Variants in PHKA1 observed in about 807,000 individuals in gnomAD.
PHKA1 encodes the protein phosphorylase kinase regulatory subunit alpha 1, also known as phosphorylase b kinase regulatory subunit alpha, skeletal muscle isoform.
A neutral mutation model predicts 110.2 loss-of-function variants in PHKA1; 60 were observed. The observed-to-expected ratio is 0.54, with a 90% CI of 0.44 to 0.68. The LOEUF is 0.68. Among genes scored for constraint, PHKA1 ranks in the 30% least tolerant of loss-of-function variants. The pLI is 0.00. For missense variants in PHKA1, 801 were observed against 942.5 expected (o/e 0.85, Z 1.97); for synonymous variants, 316 against 333.6 (o/e 0.95, Z 0.58).
chrX:72,697,875 T>C (rs967235720), intron 3 of PHKA1, among the ~76,000 whole-genome samples: 12 of 108,821 alleles, frequency 1.1e-4, no homozygotes, highest in Non-Finnish European at 2.3e-4. Context: ...TCCCAGCTAC[T>C]CGGGAGGCTG....
At chrX:72,605,234 A>G (rs948870875) in intron 25 of PHKA1, 37 bp downstream of exon 25, 3 of 1,139,896 alleles carry the variant, frequency 2.6e-6, no homozygotes, top group Non-Finnish European at 3.6e-6. Context: ...TTACATCAAA[A>G]GTGAATTCCA....
chrX:72,691,671 G>A (rs1376365053), intron 4 of PHKA1, among the ~76,000 whole-genome samples: 8 of 110,730 alleles, frequency 7.2e-5, no homozygotes, highest in African/African-American at 2.3e-4. Context: ...TTTCATTTTG[G>A]TTATTCACTG....
chrX:72,692,527 C>T (rs1556322758), intron 4 of PHKA1, among the ~76,000 whole-genome samples: 1 of 112,002 alleles, frequency 8.9e-6, no homozygotes, highest in Non-Finnish European at 1.9e-5. Flanking sequence ...AGTAAGTCTA[C>T]TCAGATTTCC....
intron 12 of PHKA1, among the ~76,000 whole-genome samples, chrX:72,651,025 A>C (rs1173083456): frequency 2.7e-5 from 3 of 112,409 alleles, no homozygotes; most frequent in Non-Finnish European, 5.6e-5. Flanking sequence ...GGTATAAATT[A>C]TAAATAAACA....
chrX:72,590,005 T>A (rs1247563952), intron 29 of PHKA1, among the ~76,000 whole-genome samples: 1 of 111,448 alleles, frequency 9.0e-6, no homozygotes, highest in African/African-American at 3.3e-5. Flanking sequence ...CTGCTCAAGA[T>A]AATTTATAGA....
rs141638954 is a variant in PHKA1 at position 72,619,127 on chromosome X, A to G, written c.2229+87T>C. The G allele has an allele frequency of 9.9e-4, 612 of 616,216 alleles. 2 individuals are homozygous for G. In the African/African-American group the frequency reaches 0.012, roughly 12 times the overall value. 50.8% of individuals were successfully genotyped at this position (616,216 alleles called of 1,213,427 possible). ...ATTTTGCGTACCACTAGTTAGTAAC[A>G]AGAACCATAATGACTAGTCCTATTA... On this transcript the variant is annotated intron_variant, in intron 20 of 31. Coordinates refer to ENST00000373542, the MANE Select transcript of PHKA1 (RefSeq NM_002637.4).
At chrX:72,711,051 C>T (rs917064975) in intron 2 of PHKA1, among the ~76,000 whole-genome samples, 1 of 106,327 alleles carries the variant, frequency 9.4e-6, no homozygotes. Flanking sequence ...TTAGTAGAGA[C>T]GGGGTTTCAC....
Position 72,682,525 on chromosome X carries a change from C to G in PHKA1, c.537+1973G>C, listed in dbSNP as rs1190727441. Among the ~76,000 whole-genome samples the G allele has an allele frequency of 4.6e-5, 5 of 108,262 alleles. No individual in the cohort carries two copies. The South Asian group carries it at 1.2e-3, about 27-fold the overall frequency. 94.0% of individuals were successfully genotyped at this position (108,262 alleles called of 115,157 possible). A position where few individuals can be genotyped will look rare whatever the true frequency, so the allele number is the denominator to read the frequency against. ...AAAGATTGAGAAATCGGATGGTTGC[C>G]GTGTCTGTGTGGAGAGAAGTAGACA... On this transcript the variant is annotated intron_variant, in intron 5 of 31. Transcript: ENST00000373542.
chrX:72,585,311 A>G (rs1177703730), intron 29 of PHKA1, among the ~76,000 whole-genome samples: 1 of 111,824 alleles, frequency 8.9e-6, no homozygotes, highest in Non-Finnish European at 1.9e-5. Context: ...CTCAAAATGT[A>G]TGCTTTTCAC....
chrX:72,660,602 T>C (rs782255218), intron 8 of PHKA1: 54 of 364,926 alleles, frequency 1.5e-4, no homozygotes, highest in Middle Eastern at 6.9e-4. Context: ...TAAGCTATGT[T>C]CACTCTTTTA....
intron 18 of PHKA1, among the ~76,000 whole-genome samples, chrX:72,621,373 T>C (rs782323897): frequency 3.1e-4 from 35 of 111,785 alleles, no homozygotes; most frequent in African/African-American, 1.1e-3. Context: ...TTGGCTGCTA[T>C]GTACCAGGCA....
In PHKA1 at chrX:72,644,488, G is replaced by C. The variant is rs1468741103; in HGVS notation, c.1333C>G (p.Leu445Val). The change falls in exon 14 of 32, where the codon CTA becomes GTA. Residue 445 changes from leucine (L) to valine (V), a missense_variant. Coordinates refer to ENST00000373542, the MANE Select transcript of PHKA1 (RefSeq NM_002637.4). ...GTCTTGATTTCTTCTGTTTCAGCTA[G>C]AATGGAGACTAGAGGAGACAAAGAA... The part of the protein sequence containing the change: ...KPDVVVQVSI[L>V]AETEEIKTIL... 1.2e-5 allele frequency: 14 copies of C among 1,208,359 alleles called. No individual in the cohort carries two copies. Among genetic ancestry groups the C allele is most frequent in the Non-Finnish European group, 1.5e-5 (13 of 893,176 alleles).
intron 29 of PHKA1, among the ~76,000 whole-genome samples, chrX:72,591,468 G>T (rs1025632235): frequency 1.8e-5 from 2 of 111,012 alleles, no homozygotes; most frequent in Admixed American, 9.6e-5. Context: ...GTAAATGACG[G>T]GTTGATGGGT....
At chrX:72,657,245 G>A (rs1204480598) in intron 9 of PHKA1, among the ~76,000 whole-genome samples, 1 of 112,287 alleles carries the variant, frequency 8.9e-6, no homozygotes, top group Admixed American at 9.4e-5. Context: ...CTTTGTAATT[G>A]TTAAATATTT....
intron 4 of PHKA1, 38 bp downstream of exon 4, chrX:72,695,670 T>C: frequency 8.4e-7 from 1 of 1,190,128 alleles, no homozygotes; most frequent in East Asian, 3.0e-5. Flanking sequence ...CCAGACTCCA[T>C]GCTCAGGGGC....
chrX:72,713,286 CTT>C (rs1556335571), intron 1 of PHKA1, among the ~76,000 whole-genome samples: 1 of 111,022 alleles, frequency 9.0e-6, no homozygotes, highest in South Asian at 3.9e-4. Flanking sequence ...GATCTACTCT[CTT>C]AGTAAATTTC....
chrX:72,693,273 A>G (rs1407202301), intron 4 of PHKA1, among the ~76,000 whole-genome samples: 1 of 112,227 alleles, frequency 8.9e-6, no homozygotes, highest in Non-Finnish European at 1.9e-5. Context: ...TTGAGCTAGT[A>G]TATGGTTTAG....
chrX:72,681,456 C>T (rs1304118969), intron 5 of PHKA1, among the ~76,000 whole-genome samples: 1 of 93,186 alleles, frequency 1.1e-5, no homozygotes, highest in Non-Finnish European at 2.1e-5. Flanking sequence ...GGGGGGTCAG[C>T]CCCCCCGCCC....
chrX:72,631,149 C>T (rs2053161046), intron 16 of PHKA1, among the ~76,000 whole-genome samples: 2 of 109,655 alleles, frequency 1.8e-5, no homozygotes, highest in African/African-American at 6.7e-5. Flanking sequence ...AGTCCTAAAA[C>T]TTCCATTCAG....
Sources: gnomAD v4.1 joint callset for allele counts (sites outside exome capture counted in the v4.1 genomes callset) on GRCh38, gnomAD v4.1.1 for gene constraint, MANE v1.5 for transcripts, NCBI Gene and HGNC (gene_info 2026-07-23, HGNC 2026-07-21) for gene names.